The following ZNRF3 variants were observed in gnomAD, a reference collection of about 807,000 sequenced individuals.
ZNRF3 encodes the protein zinc and ring finger 3.
A neutral mutation model predicts 72.5 loss-of-function variants in ZNRF3; 23 were observed. The ratio of observed to expected loss-of-function variants is 0.32; its 90% CI spans 0.23 to 0.45. ZNRF3 has a LOEUF of 0.45. ZNRF3 is among the 20% of genes least tolerant of loss of function. ZNRF3 has a pLI of 1.00. For synonymous variants in ZNRF3, 610 were observed against 545.3 expected (o/e 1.12, Z -1.65); for missense variants, 1,169 against 1,272.1 (o/e 0.92, Z 1.23).
chr22:28,909,222 G>T (rs1446248862), intron 1 of ZNRF3, among the ~76,000 whole-genome samples: 1 of 152,118 alleles, frequency 6.6e-6, no homozygotes, highest in Non-Finnish European at 1.5e-5. Flanking sequence ...AGGCACACTT[G>T]TCTGAAGAAA....
At chr22:28,912,779 C>T (rs1435105350) in intron 1 of ZNRF3, among the ~76,000 whole-genome samples, 1 of 151,790 alleles carries the variant, frequency 6.6e-6, no homozygotes, top group Admixed American at 6.6e-5. Context: ...ATTCTCCTGC[C>T]TCAGCCTCCC....
intron 1 of ZNRF3, among the ~76,000 whole-genome samples, chr22:28,905,430 A>C (rs184603348): frequency 6.6e-5 from 10 of 152,278 alleles, no homozygotes; most frequent in Non-Finnish European, 1.3e-4. Flanking sequence ...GCTCTGTTAG[A>C]CTTCTTGGCT....
At chr22:28,890,783 G>A (rs2033871656) in intron 1 of ZNRF3, among the ~76,000 whole-genome samples, 1 of 150,650 alleles carries the variant, frequency 6.6e-6, no homozygotes, top group Admixed American at 6.6e-5. Flanking sequence ...TTTTTGTCAG[G>A]GTCTCACCAT....
intron 1 of ZNRF3, among the ~76,000 whole-genome samples, chr22:28,885,521 ACTT>A (rs2033765834): frequency 6.6e-6 from 1 of 150,592 alleles, no homozygotes; most frequent in African/African-American, 2.5e-5. Flanking sequence ...CTCCTTGGCA[ACTT>A]CTTGTCTTTC....
chr22:29,057,124 A>G lies in ZNRF3; in HGVS notation c.*3502A>G, dbSNP rs933006057. 1 of 152,264 alleles carries G rather than the reference A, an allele frequency of 6.6e-6. No individual in the cohort carries two copies. Among genetic ancestry groups the G allele is most frequent in the Non-Finnish European group, 1.5e-5 (1 of 68,044 alleles). The allele number at this position is 152,264 out of a possible 1,614,324, so 9.4% of individuals were successfully genotyped here. A position where few individuals can be genotyped will look rare whatever the true frequency, so the allele number is the denominator to read the frequency against. ...ACCTTGCTGTAAAGATTTTGTAATA[A>G]AATGGTCTAAGGGCTCTTTTTCCAA... On this transcript the variant is annotated 3_prime_UTR_variant, in exon 9 of 9. Coordinates refer to ENST00000544604, the MANE Select transcript of ZNRF3 (RefSeq NM_001206998.2).
intron 2 of ZNRF3, chr22:29,018,042 T>G: frequency 1.9e-6 from 1 of 518,916 alleles, no homozygotes; most frequent in Non-Finnish European, 3.8e-6. Context: ...ACTGTGTGGG[T>G]GGAGCATCTG....
intron 6 of ZNRF3, among the ~76,000 whole-genome samples, chr22:29,047,693 T>C (rs1208372809): frequency 6.6e-6 from 1 of 152,190 alleles, no homozygotes; most frequent in Non-Finnish European, 1.5e-5. Flanking sequence ...TCAGGCACAG[T>C]GTTAGGTGTG....
chr22:28,986,179 G>A (rs183626829), intron 1 of ZNRF3, among the ~76,000 whole-genome samples: 2 of 152,294 alleles, frequency 1.3e-5, no homozygotes, highest in Admixed American at 6.5e-5. Flanking sequence ...CTGGAGATTA[G>A]GACATAGATA....
chr22:28,937,207 ATATATATATTTTTTTTTTTTTT>A (rs2034849486), intron 1 of ZNRF3, among the ~76,000 whole-genome samples: 1 of 2,854 alleles, frequency 3.5e-4, no homozygotes, highest in South Asian at 0.011. Flanking sequence ...ATATATATAT[ATATATATATTTTTTTTTTTTTT>A]TTTTTTTTTA....
intron 1 of ZNRF3, among the ~76,000 whole-genome samples, chr22:28,920,125 A>G (rs753484503): frequency 3.3e-5 from 5 of 150,122 alleles, no homozygotes; most frequent in Admixed American, 6.6e-5. Context: ...ATCCGCCACT[A>G]TGCCCAGCTA....
chr22:28,914,707 G>A (rs1350862855), intron 1 of ZNRF3, among the ~76,000 whole-genome samples: 2 of 151,636 alleles, frequency 1.3e-5, no homozygotes, highest in East Asian at 1.9e-4. Flanking sequence ...TCAGCTACTC[G>A]GGAGGCTGAG....
chr22:29,047,856 C>T (rs866416011), intron 6 of ZNRF3, among the ~76,000 whole-genome samples: 2 of 152,236 alleles, frequency 1.3e-5, no homozygotes, highest in South Asian at 2.1e-4. Context: ...ATAAACCACA[C>T]ACCCCATGGT....
At chr22:28,890,970 C>T (rs144954003) in intron 1 of ZNRF3, among the ~76,000 whole-genome samples, 318 of 152,082 alleles carry the variant, frequency 2.1e-3, no homozygotes, top group African/African-American at 6.9e-3. Context: ...TTGCCTAGGC[C>T]GGTCTTGCAC....
rs544135971 is a variant in ZNRF3, at chr22:29,013,361, T to C, written c.426+26160T>C. On this transcript the variant is annotated intron_variant, in intron 2 of 8. Coordinates refer to ENST00000544604, the MANE Select transcript of ZNRF3 (RefSeq NM_001206998.2). ...CCCCTGTTCCAACTTCTCAGTTTAA[T>C]TTTCAGTGAAGCTTCTAGAAACCAC... 3.9e-5 allele frequency among the ~76,000 whole-genome samples: 6 copies of C among 152,300 alleles called. No homozygotes were observed. In the East Asian group the frequency reaches 9.6e-4, roughly 24 times the overall value.
At chr22:28,937,197 ATATATATATATATATATATTTTTTTTTT>A (rs869255958) in intron 1 of ZNRF3, among the ~76,000 whole-genome samples, 815 of 47,004 alleles carry the variant, frequency 0.017, 28 homozygotes, top group East Asian at 0.044. Flanking sequence ...ATATATATAT[ATATATATATATATATATATTTTTTTTTT>A]TTTTTTTTTT....
At position 28,883,889 on chromosome 22, in the gene ZNRF3, C is replaced by T. The variant is rs2033714725; in HGVS notation, c.123C>T (p.Leu41=). 1.9e-6 allele frequency: 2 copies of T among 1,080,636 alleles called. No homozygotes were observed. The highest frequency in any genetic ancestry group is 4.4e-5 in the Admixed American group (1 of 22,484). The allele number at this position is 1,080,636 out of a possible 1,614,324, so 66.9% of individuals were successfully genotyped here. A position where few individuals can be genotyped will look rare whatever the true frequency, so the allele number is the denominator to read the frequency against. The change falls in exon 1 of 9, where the codon CTC becomes CTT. Residue 41 remains leucine, a synonymous_variant. Transcript: ENST00000544604. This position sits in a 1 kb window ranked among gnomAD's most constrained non-coding sequence, Gnocchi z 5.5. ...CGCCGCCGCCGCTGCCGCTGCTGCT[C>T]GGGCTGCTGCTGGCGGCCGCGGGGC... The part of the protein sequence containing the change: ...LPPPPPLPLL[L]GLLLAAAGPG...
In ZNRF3 at chr22:29,057,023, A is replaced by G. The variant is rs533222314; in HGVS notation, c.*3401A>G. 1.3e-5 allele frequency: 2 copies of G among 152,260 alleles called. No homozygotes were observed. The highest frequency in any genetic ancestry group is 4.8e-5 in the African/African-American group (2 of 41,550). 9.4% of individuals were successfully genotyped at this position (152,260 alleles called of 1,614,324 possible). A position where few individuals can be genotyped will look rare whatever the true frequency, so the allele number is the denominator to read the frequency against. ...TCTACTCTTTATGTAAACTCTTTCT[A>G]TTGTGTTGGTCTAACAAGGCACTAT... On this transcript the variant is annotated 3_prime_UTR_variant, in exon 9 of 9. Coordinates refer to ENST00000544604, the MANE Select transcript of ZNRF3 (RefSeq NM_001206998.2).
chr22:29,056,295 ATC>A lies in ZNRF3; in HGVS notation c.*2676_*2677del, dbSNP rs2037296739. ...TTTGTATTTTTGGTAGAGACAGGGT[ATC>A]TCCATGTTGGTCAGGCTGGTCTTGG... is the stretch of plus-strand genomic sequence containing the variant. On this transcript the variant is annotated 3_prime_UTR_variant, in exon 9 of 9. Coordinates refer to ENST00000544604, the MANE Select transcript of ZNRF3 (RefSeq NM_001206998.2). The A allele has an allele frequency of 6.6e-6, 1 of 152,022 alleles. No homozygotes were observed. Among genetic ancestry groups the A allele is most frequent in the Admixed American group, 6.6e-5 (1 of 15,250 alleles). 9.4% of individuals were successfully genotyped at this position (152,022 alleles called of 1,614,324 possible).
In ZNRF3 at chr22:28,909,373, G is replaced by A. The variant is rs536429093; in HGVS notation, c.300+25307G>A. Among the ~76,000 whole-genome samples, 11 of 152,160 alleles carry A rather than the reference G, an allele frequency of 7.2e-5. 1 individual carries two copies. In the South Asian group the frequency reaches 1.5e-3, roughly 20 times the overall value. Reference sequence around the variant, plus strand: ...TTAAGCATGGACCTCTCCTGGGGGCGTGTTGGGCCTGTTTACTAACCTTAC... The same window carrying A: ...TTAAGCATGGACCTCTCCTGGGGGCATGTTGGGCCTGTTTACTAACCTTAC... On this transcript the variant is annotated intron_variant, in intron 1 of 8. Coordinates refer to ENST00000544604, the MANE Select transcript of ZNRF3 (RefSeq NM_001206998.2).
Sources: gnomAD v4.1 joint callset for allele counts (sites outside exome capture counted in the v4.1 genomes callset) on GRCh38, gnomAD v4.1.1 for gene constraint, Gnocchi (gnomAD v3.1) non-coding constraint, MANE v1.5 for transcripts, NCBI Gene and HGNC (gene_info 2026-07-23, HGNC 2026-07-21) for gene names.